The following MORC3 variants were observed in gnomAD, a reference collection of about 807,000 sequenced individuals.
MORC3 encodes MORC family CW-type zinc finger protein 3.
MORC3 carries 31 observed loss-of-function variants against 109.1 expected under a neutral mutation model. The observed-to-expected ratio is 0.28, with a 90% confidence interval of 0.21 to 0.38. MORC3 has a LOEUF of 0.38. MORC3 is among the 10% of genes least tolerant of loss of function. The probability of loss-of-function intolerance (pLI) is 1.00; values close to 1 mark genes in which losing one functional copy is unlikely to be tolerated. For synonymous variants in MORC3, 395 were observed against 380.7 expected (o/e 1.04, Z -0.44); for missense variants, 867 against 1,135.8 (o/e 0.76, Z 3.40).
intron 12 of MORC3, among the ~76,000 whole-genome samples, chr21:36,361,482 G>A (rs1056744563): frequency 7.8e-5 from 10 of 128,984 alleles, no homozygotes. Context: ...GGCAGAGATT[G>A]TAGTGAGCCG....
intron 9 of MORC3, among the ~76,000 whole-genome samples, chr21:36,351,837 T>G (rs2085576379): frequency 1.3e-5 from 2 of 152,146 alleles, no homozygotes; most frequent in South Asian, 4.1e-4. Flanking sequence ...TGGCTGGATA[T>G]ATATCTAAAA....
At chr21:36,370,661 T>C (rs1430757620) in intron 15 of MORC3, among the ~76,000 whole-genome samples, 7 of 116,454 alleles carry the variant, frequency 6.0e-5, no homozygotes, top group South Asian at 3.3e-4. Flanking sequence ...TTTTTTTTTT[T>C]TTTTTTTTTT....
intron 14 of MORC3, among the ~76,000 whole-genome samples, chr21:36,366,616 T>C (rs1002723695): frequency 7.9e-5 from 12 of 152,072 alleles, no homozygotes; most frequent in African/African-American, 2.7e-4. Context: ...CGCCATGCCC[T>C]GCTAATTTAT....
At position 36,332,256 on chromosome 21, in the gene MORC3, G is replaced by A. The variant is rs552633046; in HGVS notation, c.40-1390G>A. Among the ~76,000 whole-genome samples the A allele has an allele frequency of 3.4e-4, 52 of 152,112 alleles. 1 individual carries two copies. The highest frequency in any genetic ancestry group is 1.2e-3 in the Admixed American group (19 of 15,272). Reference sequence around the variant, plus strand: ...TTGAGACCAGCCTGGTCAACATGGCGAAACCCCTTATCTACTAAAAATACA... The same window carrying A: ...TTGAGACCAGCCTGGTCAACATGGCAAAACCCCTTATCTACTAAAAATACA... On this transcript the variant is annotated intron_variant, in intron 1 of 16. Transcript: ENST00000400485.
chr21:36,370,656 T>C (rs1294189038), intron 15 of MORC3, among the ~76,000 whole-genome samples: 3 of 117,686 alleles, frequency 2.5e-5, no homozygotes, highest in Admixed American at 8.9e-5. Context: ...TTTTTTTTTT[T>C]TTTTTTTTTT....
At chr21:36,374,145 A>G (rs2085902429) in intron 16 of MORC3, among the ~76,000 whole-genome samples, 1 of 152,102 alleles carries the variant, frequency 6.6e-6, no homozygotes, top group East Asian at 1.9e-4. Flanking sequence ...GCTGGAGTAC[A>G]GTTGCATAAT....
chr21:36,337,829 G>A lies in MORC3; in HGVS notation c.343G>A (p.Ala115Thr), dbSNP rs773678802. Residue 115 changes from alanine (A) to threonine (T), a missense_variant, in exon 4 of 17, where the codon GCA (alanine) becomes ACA (threonine). Physicochemically the swap from Ala to Thr is moderately conservative, Grantham distance 58. Coordinates refer to ENST00000400485, the MANE Select transcript of MORC3 (RefSeq NM_015358.3). ...KSGSMRLGKD[A>T]IVFTKNGESM... is the part of the protein sequence containing the mutation. ...GGGTTCTATGCGTCTGGGTAAAGAC[G>A]CAATCGTTTTTACCAAAAATGGAGA... 1.4e-5 allele frequency: 22 copies of A among 1,614,034 alleles called. No homozygotes were observed. Among genetic ancestry groups the A allele is most frequent in the Middle Eastern group, 1.6e-4 (1 of 6,084 alleles).
At chr21:36,323,334 C>G (rs2085212949) in intron 1 of MORC3, among the ~76,000 whole-genome samples, 1 of 152,170 alleles carries the variant, frequency 6.6e-6, no homozygotes, top group Admixed American at 6.5e-5. Flanking sequence ...CATTTAACCT[C>G]TTTGTGCCAG....
chr21:36,359,859 A>C, intron 10 of MORC3, 96 bp from the exon 11 acceptor site: 1 of 1,518,898 alleles, frequency 6.6e-7, no homozygotes. Context: ...AAGGAATTAA[A>C]TAATGGCATC....
intron 15 of MORC3, among the ~76,000 whole-genome samples, chr21:36,370,299 T>G (rs2085840504): frequency 6.6e-6 from 1 of 152,148 alleles, no homozygotes; most frequent in African/African-American, 2.4e-5. Flanking sequence ...GGTTCTCAAC[T>G]GAGGAGAGGG....
chr21:36,330,926 C>T (rs1026435347), intron 1 of MORC3, among the ~76,000 whole-genome samples: 9 of 152,196 alleles, frequency 5.9e-5, no homozygotes, highest in African/African-American at 1.7e-4. Context: ...CCATATTTCA[C>T]GGATGTATGC....
At chr21:36,329,159 G>T (rs894083587) in intron 1 of MORC3, among the ~76,000 whole-genome samples, 11 of 152,152 alleles carry the variant, frequency 7.2e-5, no homozygotes, top group Non-Finnish European at 1.5e-4. Context: ...GCTGGGCGTG[G>T]TGGCAGTTGC....
At chr21:36,363,038 T>C (rs2146332400) in intron 13 of MORC3, among the ~76,000 whole-genome samples, 1 of 152,256 alleles carries the variant, frequency 6.6e-6, no homozygotes, top group Non-Finnish European at 1.5e-5. Context: ...CTCTCTTCTG[T>C]CTTAATACTT....
chr21:36,360,295 C>T, intron 12 of MORC3, 37 bp downstream of exon 12: 1 of 1,563,788 alleles, frequency 6.4e-7, no homozygotes, highest in South Asian at 1.1e-5. Flanking sequence ...GTAATAATGC[C>T]CAGATCATGA....
intron 2 of MORC3, among the ~76,000 whole-genome samples, chr21:36,334,954 G>A (rs994710345): frequency 2.6e-5 from 4 of 151,970 alleles, no homozygotes; most frequent in South Asian, 2.1e-4. Flanking sequence ...AACATAGTGG[G>A]ACCCCATCTC....
rs369427555 is a variant in MORC3 at position 36,333,722 on chromosome 21, T to A, written c.112+4T>A. The A allele has an allele frequency of 3.7e-6, 6 of 1,600,242 alleles. No individual in the cohort carries two copies. In the African/African-American group the frequency reaches 5.4e-5, roughly 14 times the overall value. On this transcript the variant is annotated splice_donor_region_variant and intron_variant, in intron 2 of 16. Coordinates refer to ENST00000400485, the MANE Select transcript of MORC3 (RefSeq NM_015358.3). ...AGTGCAGTTGCTGAATTAATAGGTATGTAGTTTGACATTTCATATACCATT... is the reference window on the plus strand; with the variant it reads ...AGTGCAGTTGCTGAATTAATAGGTAAGTAGTTTGACATTTCATATACCATT...
intron 1 of MORC3, 146 bp downstream of exon 1, chr21:36,320,449 C>T (rs1398212021): frequency 9.6e-6 from 7 of 731,548 alleles, no homozygotes; most frequent in Non-Finnish European, 1.3e-5. Context: ...GCGGCCATCT[C>T]GCTCCCGTCG....
chr21:36,354,592 C>T (rs1314318484), intron 9 of MORC3, among the ~76,000 whole-genome samples: 5 of 152,136 alleles, frequency 3.3e-5, no homozygotes, highest in East Asian at 1.9e-4. Context: ...CGTGAGCCAC[C>T]GTGCCCAGTG....
intron 14 of MORC3, among the ~76,000 whole-genome samples, chr21:36,366,190 C>G (rs1319836667): frequency 6.6e-6 from 1 of 152,020 alleles, no homozygotes; most frequent in Non-Finnish European, 1.5e-5. Flanking sequence ...CTCCCTTCCT[C>G]TCTCCCCACT....
Sources: gnomAD v4.1 joint callset for allele counts (sites outside exome capture counted in the v4.1 genomes callset) on GRCh38, gnomAD v4.1.1 for gene constraint, MANE v1.5 for transcripts, NCBI Gene and HGNC (gene_info 2026-07-23, HGNC 2026-07-21) for gene names.